The following PARD3B variants were observed in gnomAD, a reference collection of about 807,000 sequenced individuals.
PARD3B encodes the protein partitioning defective 3 homolog B.
PARD3B carries 103 observed loss-of-function variants against 130.2 expected under a neutral mutation model. The observed-to-expected ratio is 0.79, with a 90% CI of 0.67 to 0.93. PARD3B has a LOEUF of 0.93. PARD3B is among the 40% of genes least tolerant of loss of function. PARD3B has a pLI of 0.00. For missense variants in PARD3B, 1,609 were observed against 1,499.2 expected (o/e 1.07, Z -1.21); for synonymous variants, 583 against 553.2 (o/e 1.05, Z -0.76).
Position 204,578,378 on chromosome 2 carries a change from C to G in PARD3B, c.120+32259C>G, listed in dbSNP as rs540453797. On this transcript the variant is annotated intron_variant, in intron 1 of 22. Coordinates refer to ENST00000406610, the MANE Select transcript of PARD3B (RefSeq NM_001302769.2). ...TCCAAACTTAAGGACCTTTCATCTT[C>G]TGGAATATAGCTGGGCTTGAGGTAT... is the stretch of plus-strand genomic sequence containing the variant. Among the ~76,000 whole-genome samples the G allele has an allele frequency of 3.3e-5, 5 of 152,216 alleles. No homozygotes were observed. The South Asian group carries it at 8.3e-4, about 25-fold the overall frequency.
intron 3 of PARD3B, among the ~76,000 whole-genome samples, chr2:204,979,542 C>G (rs1692487328): frequency 6.6e-6 from 1 of 152,158 alleles, no homozygotes; most frequent in Non-Finnish European, 1.5e-5. Flanking sequence ...AGCCACTACT[C>G]ACCAGACAAT....
At chr2:205,205,302 G>T (rs1574382792) in intron 15 of PARD3B, among the ~76,000 whole-genome samples, 1 of 152,040 alleles carries the variant, frequency 6.6e-6, no homozygotes, top group East Asian at 1.9e-4. Context: ...TTTTGTATCT[G>T]GAGACTTTGC....
chr2:205,152,486 C>T (rs2033825759), intron 10 of PARD3B, among the ~76,000 whole-genome samples: 2 of 152,144 alleles, frequency 1.3e-5, no homozygotes, highest in South Asian at 2.1e-4. Flanking sequence ...CTAAACTTCT[C>T]GCTTCATTTC....
chr2:204,893,711 C>A (rs889507459), intron 2 of PARD3B, among the ~76,000 whole-genome samples: 1 of 152,018 alleles, frequency 6.6e-6, no homozygotes, highest in South Asian at 2.1e-4. Context: ...CTTGAAAACC[C>A]ATGTGTATTT....
In PARD3B at chr2:205,125,777, G is replaced by A. The variant is rs370641986; in HGVS notation, c.1434+40G>A. ...TCAGTCTCACTGAATTTTTAATGCC[G>A]AGCTTAATACACTCAATGAACTCAT... On this transcript the variant is annotated intron_variant, in intron 10 of 22. Coordinates refer to ENST00000406610, the MANE Select transcript of PARD3B (RefSeq NM_001302769.2). The surrounding 1 kb of genome is among the most constrained non-coding windows in gnomAD (Gnocchi z 4.0). The A allele has an allele frequency of 3.7e-4, 602 of 1,609,508 alleles. 1 individual carries two copies. The highest frequency in any genetic ancestry group is 4.6e-4 in the Non-Finnish European group (547 of 1,177,378).
At chr2:205,376,964 G>A (rs2045082171) in intron 18 of PARD3B, among the ~76,000 whole-genome samples, 1 of 152,176 alleles carries the variant, frequency 6.6e-6, no homozygotes, top group South Asian at 2.1e-4. Context: ...GTAAAATGGA[G>A]GCAGGAAATG....
intron 18 of PARD3B, among the ~76,000 whole-genome samples, chr2:205,359,674 C>T (rs937876709): frequency 2.0e-5 from 3 of 152,134 alleles, no homozygotes; most frequent in African/African-American, 7.2e-5. Flanking sequence ...GTATTGTGCT[C>T]AAAATATCAT....
intron 2 of PARD3B, among the ~76,000 whole-genome samples, chr2:204,811,826 C>A (rs944955843): frequency 1.6e-4 from 25 of 151,856 alleles, no homozygotes; most frequent in East Asian, 3.9e-4. Flanking sequence ...AAACAAAAAA[C>A]AAAAAACTAA....
intron 14 of PARD3B, among the ~76,000 whole-genome samples, chr2:205,192,479 T>G (rs890470962): frequency 6.6e-6 from 1 of 152,186 alleles, no homozygotes; most frequent in Non-Finnish European, 1.5e-5. Flanking sequence ...AAACAAGAAC[T>G]AAGTCATTGT....
chr2:205,457,894 T>C (rs1319273631), intron 20 of PARD3B, among the ~76,000 whole-genome samples: 1 of 152,192 alleles, frequency 6.6e-6, no homozygotes, highest in Non-Finnish European at 1.5e-5. Context: ...GAAATGCTCA[T>C]TGGAGCACTT....
intron 21 of PARD3B, among the ~76,000 whole-genome samples, chr2:205,519,862 T>C (rs1575231118): frequency 2.0e-5 from 3 of 152,180 alleles, no homozygotes; most frequent in African/African-American, 7.2e-5. Flanking sequence ...GCATTTTTGG[T>C]GTTGAAGCTT....
intron 20 of PARD3B, among the ~76,000 whole-genome samples, chr2:205,459,397 C>CT (rs991601578): frequency 8.6e-5 from 13 of 151,758 alleles, no homozygotes; most frequent in East Asian, 3.9e-4. Flanking sequence ...AAACCCTTAT[C>CT]TTTTTTTTAA....
chr2:205,603,599 A>G (rs1313745056), intron 22 of PARD3B, among the ~76,000 whole-genome samples: 2 of 152,182 alleles, frequency 1.3e-5, no homozygotes, highest in African/African-American at 4.8e-5. Flanking sequence ...CTTTACCATT[A>G]TGTAATACTC....
intron 1 of PARD3B, among the ~76,000 whole-genome samples, chr2:204,593,146 C>T (rs1486450661): frequency 8.2e-5 from 9 of 109,884 alleles, no homozygotes; most frequent in African/African-American, 2.0e-4. Flanking sequence ...AGGTTAACAT[C>T]TATGTACGTT....
In PARD3B at chr2:205,319,707, G is replaced by C. The variant is rs565402701; in HGVS notation, c.2630+18006G>C. 2.6e-4 allele frequency among the ~76,000 whole-genome samples: 40 copies of C among 152,264 alleles called. No homozygotes were observed. The South Asian group carries it at 7.7e-3, about 29-fold the overall frequency. On this transcript the variant is annotated intron_variant, in intron 18 of 22. Coordinates refer to ENST00000406610, the MANE Select transcript of PARD3B (RefSeq NM_001302769.2). ...TGCTGCTGTTCTTGCCTTGCTCATA[G>C]TGTACATTCAACAATGGATTGCTGA...
At chr2:204,848,953 T>A (rs1216053406) in intron 2 of PARD3B, among the ~76,000 whole-genome samples, 1 of 152,146 alleles carries the variant, frequency 6.6e-6, no homozygotes, top group Non-Finnish European at 1.5e-5. Flanking sequence ...TAAAAATCAA[T>A]CTTTAAGGTC....
In PARD3B at chr2:205,300,692, C is replaced by A; in HGVS notation, c.2348C>A (p.Ala783Glu). The A allele has an allele frequency of 6.2e-7, 1 of 1,613,796 alleles. No individual in the cohort carries two copies. The highest frequency in any genetic ancestry group is 8.5e-7 in the Non-Finnish European group (1 of 1,179,860). ...RGRGCNESFR[A>E]AIDKSYDGPE... Reference sequence around the variant, plus strand: ...CGAGGCTGCAATGAGAGCTTTAGAGCAGCCATTGACAAATCCTACGATGGA... The same window carrying A: ...CGAGGCTGCAATGAGAGCTTTAGAGAAGCCATTGACAAATCCTACGATGGA... Residue 783 changes from alanine to glutamate, a missense_variant, in exon 17 of 23, where the codon GCA becomes GAA. Transcript: ENST00000406610. This position sits in a 1 kb window ranked among gnomAD's most constrained non-coding sequence, Gnocchi z 4.1.
chr2:205,447,465 C>T (rs2106183274), intron 20 of PARD3B, among the ~76,000 whole-genome samples: 1 of 152,368 alleles, frequency 6.6e-6, no homozygotes, highest in East Asian at 1.9e-4. Context: ...GCAACCTCCA[C>T]CTCCTGGATT....
intron 2 of PARD3B, among the ~76,000 whole-genome samples, chr2:204,928,161 C>T (rs6435260): frequency 2.0e-5 from 3 of 151,792 alleles, no homozygotes; most frequent in East Asian, 1.9e-4. Flanking sequence ...TAGGCTATTG[C>T]CTGGTTTCAT....
Sources: allele counts gnomAD v4.1 joint callset (sites outside exome capture counted in the v4.1 genomes callset), GRCh38; gene constraint gnomAD v4.1.1; non-coding constraint Gnocchi (gnomAD v3.1); transcripts MANE v1.5; gene names NCBI Gene and HGNC (gene_info 2026-07-23, HGNC 2026-07-21).